FAM117A: variants seen among roughly 807,000 people sequenced by gnomAD.
FAM117A encodes the protein protein FAM117A.
In FAM117A, 21 loss-of-function variants were observed where a neutral mutation model predicts 44.1. The ratio of observed to expected loss-of-function variants is 0.48; its 90% CI spans 0.34 to 0.69. FAM117A has a LOEUF of 0.69. Among genes scored for constraint, FAM117A ranks in the 30% least tolerant of loss-of-function variants. The pLI is 0.01. For missense variants in FAM117A, 498 were observed against 589.9 expected, an observed-to-expected ratio of 0.84 and a Z score of 1.61; for synonymous variants, 220 against 238.3, an observed-to-expected ratio of 0.92 and a Z score of 0.71.
intron 1 of FAM117A, among the ~76,000 whole-genome samples, chr17:49,760,578 G>A (rs1372079249): frequency 3.3e-5 from 5 of 152,216 alleles, no homozygotes; most frequent in Non-Finnish European, 7.3e-5. Flanking sequence ...GGTGGTCAGA[G>A]GAGGTTCCAA....
chr17:49,763,848 C>G, intron 1 of FAM117A, 44 bp downstream of exon 1: 1 of 1,102,546 alleles, frequency 9.1e-7, no homozygotes, highest in Non-Finnish European at 1.1e-6. Flanking sequence ...GCCCCCCCTC[C>G]CCCAATGGCT....
At chr17:49,743,945 G>C (rs999074434) in intron 1 of FAM117A, among the ~76,000 whole-genome samples, 4 of 150,736 alleles carry the variant, frequency 2.7e-5, no homozygotes, top group Non-Finnish European at 4.4e-5. Flanking sequence ...AAAAAGGTTG[G>C]GGGGGGCGTC....
At chr17:49,728,216 G>T (rs971110356) in intron 2 of FAM117A, among the ~76,000 whole-genome samples, 4 of 152,164 alleles carry the variant, frequency 2.6e-5, no homozygotes, top group Non-Finnish European at 4.4e-5. Flanking sequence ...CACCCACAAA[G>T]AAAAACATTT....
Position 49,719,888 on chromosome 17 carries a change from G to A in FAM117A, c.580C>T (p.Pro194Ser), listed in dbSNP as rs747176001. 6.9e-6 allele frequency: 11 copies of A among 1,602,278 alleles called. No individual in the cohort carries two copies. The highest frequency in any genetic ancestry group is 8.5e-6 in the Non-Finnish European group (10 of 1,176,948). ...GGGGACCCTGAGGGGAAGCTGGGAG[G>A]GGACGCCTGAGGAAGAGGCAAATGA... Reference protein sequence around the residue: ...HAVRGALRASPPSFPSGSPVL... With the variant: ...HAVRGALRASSPSFPSGSPVL... Residue 194 changes from proline to serine, a missense_variant, in exon 5 of 8, where the codon CCT becomes TCT. Physicochemically the swap from Pro to Ser is moderately conservative, Grantham distance 74. Transcript: ENST00000240364.
At chr17:49,716,125 C>CCCCCA in intron 7 of FAM117A, 40 bp downstream of exon 7, 1 of 1,506,112 alleles carries the variant, frequency 6.6e-7, no homozygotes. Flanking sequence ...AATGTAGGCC[C>CCCCCA]ACCCTCCCCT....
rs372734158 is a variant in FAM117A at position 49,732,541 on chromosome 17, G to A, written c.366+10C>T. 1.2e-6 allele frequency: 2 copies of A among 1,613,906 alleles called. No individual in the cohort carries two copies. The highest frequency in any genetic ancestry group is 2.7e-5 in the African/African-American group (2 of 74,928). ...TTATCCCTTATCCCATCAGGAGAGA[G>A]CTTCATTACCTGGGTGGCCTTGTCA... On this transcript the variant is annotated intron_variant, in intron 2 of 7. Transcript: ENST00000240364.
chr17:49,713,690 G>A (rs770522631), intron 7 of FAM117A, among the ~76,000 whole-genome samples: 31 of 151,970 alleles, frequency 2.0e-4, no homozygotes, highest in Non-Finnish European at 4.1e-4. Flanking sequence ...AACATTTTTT[G>A]TAGAGAGGGT....
chr17:49,754,534 G>A (rs1294718005), intron 1 of FAM117A, among the ~76,000 whole-genome samples: 1 of 151,864 alleles, frequency 6.6e-6, no homozygotes, highest in Non-Finnish European at 1.5e-5. Context: ...TCGATCTCCT[G>A]ACGTCATGAT....
intron 1 of FAM117A, among the ~76,000 whole-genome samples, chr17:49,770,557 G>A (rs1246527052): frequency 6.6e-6 from 1 of 152,154 alleles, no homozygotes; most frequent in Non-Finnish European, 1.5e-5. Context: ...TGATGGGAAT[G>A]TTTCTATGCT....
chr17:49,740,144 G>C (rs1316857145), intron 1 of FAM117A, among the ~76,000 whole-genome samples: 1 of 152,166 alleles, frequency 6.6e-6, no homozygotes. Flanking sequence ...CCTGTTGGGG[G>C]AAAGTCAACA....
chr17:49,772,911 C>G (rs2073765373), intron 1 of FAM117A, among the ~76,000 whole-genome samples: 1 of 152,214 alleles, frequency 6.6e-6, no homozygotes, highest in African/African-American at 2.4e-5. Flanking sequence ...GTGGCTCATG[C>G]CTGTCATCCC....
At chr17:49,718,902 G>A (rs9897201) in intron 5 of FAM117A, among the ~76,000 whole-genome samples, 26 of 150,256 alleles carry the variant, frequency 1.7e-4, no homozygotes, top group African/African-American at 6.4e-4. Context: ...GCTTGAACCC[G>A]GGAGGCGGAG....
chr17:49,751,842 G>C (rs57246166), intron 1 of FAM117A, among the ~76,000 whole-genome samples: 82 of 150,966 alleles, frequency 5.4e-4, no homozygotes, highest in African/African-American at 1.9e-3. Context: ...TACTCAGGAG[G>C]CTGAGGCAGG....
In FAM117A at chr17:49,778,165, C is replaced by CT. The variant is rs573724245; in HGVS notation, c.-621+10331dup. Among the ~76,000 whole-genome samples the CT allele has an allele frequency of 1.5e-4, 23 of 152,238 alleles. No individual in the cohort carries two copies. In the East Asian group the frequency reaches 1.9e-3, roughly 13 times the overall value. On this transcript the variant is annotated intron_variant, in intron 1 of 7. Transcript: ENST00000513602. ...CCTTCTTGACCCTATTCATACTTTT[C>CT]TTTTTTTGCCTCTGGGGTTTCCCAA...
upstream of FAM117A, among the ~76,000 whole-genome samples, chr17:49,764,993 C>A (rs2073740979): frequency 6.6e-6 from 1 of 152,200 alleles, no homozygotes; most frequent in Admixed American, 6.5e-5. Context: ...TGCACCGCGA[C>A]TCCGTTAACA....
rs1466068345 is a variant in FAM117A at position 49,717,565 on chromosome 17, A to G, written c.858T>C (p.His286=). The G allele has an allele frequency of 1.9e-6, 3 of 1,614,030 alleles. No individual in the cohort carries two copies. Among genetic ancestry groups the G allele is most frequent in the Middle Eastern group, 1.6e-4 (1 of 6,082 alleles). The part of the protein sequence containing the change: ...ASPQPCGLAS[H]EEHRGAAEEL... ...CCTCGGCGGCACCCCGATGTTCCTC[A>G]TGACTGGCCAGGCCACAAGGCTGGG... The change falls in exon 6 of 8, where the codon CAT becomes CAC. Residue 286 remains histidine, a synonymous_variant. Coordinates refer to ENST00000240364, the MANE Select transcript of FAM117A (RefSeq NM_030802.4).
intron 1 of FAM117A, among the ~76,000 whole-genome samples, chr17:49,743,895 C>T (rs1413024916): frequency 1.3e-5 from 2 of 151,508 alleles, no homozygotes; most frequent in Non-Finnish European, 2.9e-5. Flanking sequence ...TGTGCCACTA[C>T]ACTCCAGCCT....
At chr17:49,711,687 GA>G (rs928346178) in intron 7 of FAM117A, 132 bp from the exon 8 acceptor site, 87 of 800,830 alleles carry the variant, frequency 1.1e-4, no homozygotes, top group Non-Finnish European at 1.5e-4. Context: ...ATTGGAACTT[GA>G]CCGAAAACCA....
At position 49,734,374 on chromosome 17, in the gene FAM117A, C is replaced by T. The variant is rs973199625; in HGVS notation, c.197-1654G>A. 4.0e-5 allele frequency among the ~76,000 whole-genome samples: 6 copies of T among 151,638 alleles called. No homozygotes were observed. In the East Asian group the frequency reaches 9.7e-4, roughly 25 times the overall value. On this transcript the variant is annotated intron_variant, in intron 1 of 7. Transcript: ENST00000240364. ...TTGGGAGGCCGAGGCAGGCGGATCA[C>T]GAGGTCGGGAGATCGAGACCATCCT...
Sources: allele counts gnomAD v4.1 joint callset (sites outside exome capture counted in the v4.1 genomes callset), GRCh38; gene constraint gnomAD v4.1.1; transcripts MANE v1.5; gene names NCBI Gene and HGNC (gene_info 2026-07-23, HGNC 2026-07-21).